SFPQ: variants seen among roughly 807,000 people sequenced by gnomAD.
The protein encoded by SFPQ is splicing factor, proline- and glutamine-rich.
A neutral mutation model predicts 72.9 loss-of-function variants in SFPQ; 11 were observed. The observed-to-expected ratio is 0.15, with a 90% CI of 0.09 to 0.25. SFPQ has a LOEUF of 0.25. Ranked by LOEUF, SFPQ falls within the 10% of genes least tolerant of loss-of-function variation. The probability of loss-of-function intolerance (pLI) is 1.00; values close to 1 mark genes in which losing one functional copy is unlikely to be tolerated. For missense variants in SFPQ, 847 were observed against 993.3 expected (o/e 0.85, Z 1.98); for synonymous variants, 506 against 367.3 (o/e 1.38, Z -4.32).
In SFPQ at chr1:35,191,246, C is replaced by A. The variant is rs763057108; in HGVS notation, c.1017+95G>T. On this transcript the variant is annotated intron_variant, in intron 2 of 9. Transcript: ENST00000357214. ...GAAAAATCTAAAAGATCAATTTATCCTCCCCAGTTTAAAAACCAAGCCTTC... is the reference window on the plus strand; with the variant it reads ...GAAAAATCTAAAAGATCAATTTATCATCCCCAGTTTAAAAACCAAGCCTTC... 2.7e-5 allele frequency: 28 copies of A among 1,035,280 alleles called. 1 individual carries two copies. Among genetic ancestry groups the A allele is most frequent in the Non-Finnish European group, 3.5e-5 (24 of 688,632 alleles). The allele number at this position is 1,035,280 out of a possible 1,614,324, so 64.1% of individuals were successfully genotyped here.
downstream of SFPQ, chr1:35,182,927 C>A: frequency 9.6e-7 from 1 of 1,045,432 alleles, no homozygotes; most frequent in Non-Finnish European, 1.2e-6. Context: ...TAACTGACAA[C>A]ACCATGGAAA....
chr1:35,190,193 G>C (rs1457130268), intron 4 of SFPQ, among the ~76,000 whole-genome samples: 2 of 152,166 alleles, frequency 1.3e-5, no homozygotes, highest in Non-Finnish European at 1.5e-5. Context: ...CTGGGAGGCA[G>C]AGGTTGCAGA....
At position 35,176,849 on chromosome 1, in the gene SFPQ, G is replaced by A. The variant is rs185002315; in HGVS notation, c.*106-378C>T. Among the ~76,000 whole-genome samples the A allele has an allele frequency of 2.1e-3, 315 of 150,552 alleles. 1 individual carries two copies. The highest frequency in any genetic ancestry group is 7.1e-3 in the African/African-American group (288 of 40,666). On this transcript the variant is annotated intron_variant and NMD_transcript_variant, in intron 5 of 5. Transcript: ENST00000460428. ...AGACTGTGCACCACTGCTCCAGCCT[G>A]GGCGACAGAGCAAGACTCCGTCTCA...
At chr1:35,180,520 G>A (rs1359386966), downstream of SFPQ, 1 of 1,049,972 alleles carries the variant, frequency 9.5e-7, no homozygotes, top group Non-Finnish European at 1.2e-6. Flanking sequence ...TTAGAGTATA[G>A]ACACATTTAG....
chr1:35,188,312 T>C (rs760400692), intron 6 of SFPQ, among the ~76,000 whole-genome samples: 1 of 152,246 alleles, frequency 6.6e-6, no homozygotes, highest in Non-Finnish European at 1.5e-5. Context: ...AAACCAACAC[T>C]GACATATTTA....
Position 35,188,994 on chromosome 1 carries a change from C to T in SFPQ, c.1697+9G>A. The T allele has an allele frequency of 6.2e-7, 1 of 1,605,260 alleles. No homozygotes were observed. Among genetic ancestry groups the T allele is most frequent in the Non-Finnish European group, 8.5e-7 (1 of 1,173,786 alleles). ...TAAATGAAGGCTTAAACCTTAAACA[C>T]AATTTTACCTCAATTGCATTTCTTT... On this transcript the variant is annotated intron_variant, in intron 6 of 9. Transcript: ENST00000357214.
intron 4 of SFPQ, among the ~76,000 whole-genome samples, chr1:35,189,773 AC>A (rs1419294850): frequency 6.6e-6 from 1 of 151,744 alleles, no homozygotes; most frequent in Non-Finnish European, 1.5e-5. Context: ...ACATGATGAA[AC>A]CCCGTCTCCA....
chr1:35,182,434 T>G, downstream of SFPQ: 2 of 985,404 alleles, frequency 2.0e-6, no homozygotes, highest in Non-Finnish European at 2.4e-6. Context: ...TGAGCATTAC[T>G]TTCTAATGAG....
In SFPQ at chr1:35,193,050, G is replaced by A. The variant is rs1447147776; in HGVS notation, c.-1C>T. 2 of 1,573,914 alleles carry A rather than the reference G, an allele frequency of 1.3e-6. No individual in the cohort carries two copies. The highest frequency in any genetic ancestry group is 1.1e-5 in the South Asian group (1 of 89,878). Reference sequence around the variant, plus strand: ...GACTCCGGAACCGATCCCGAGACATGTCTGTGGTCAAGGGGCGGTCGAGGC... The same window carrying A: ...GACTCCGGAACCGATCCCGAGACATATCTGTGGTCAAGGGGCGGTCGAGGC... On this transcript the variant is annotated 5_prime_UTR_variant, in exon 1 of 10. Coordinates refer to ENST00000357214, the MANE Select transcript of SFPQ (RefSeq NM_005066.3).
intron 7 of SFPQ, 97 bp from the exon 8 acceptor site, chr1:35,187,348 G>A: frequency 8.9e-7 from 1 of 1,120,422 alleles, no homozygotes; most frequent in Non-Finnish European, 1.3e-6. Flanking sequence ...AAAAAACATG[G>A]TAAAGTTCAA....
At chr1:35,178,277 C>A, downstream of SFPQ, 1 of 1,099,302 alleles carries the variant, frequency 9.1e-7, no homozygotes, top group Non-Finnish European at 1.1e-6. Flanking sequence ...AATGTAAAAG[C>A]CTGACTCTCA....
chr1:35,179,347 C>G, downstream of SFPQ: 1 of 1,057,840 alleles, frequency 9.5e-7, no homozygotes, highest in Non-Finnish European at 1.1e-6. Context: ...AGGTTTGCAA[C>G]CTTGCATGAA....
chr1:35,186,121 TTA>T (rs759415646), intron 9 of SFPQ, among the ~76,000 whole-genome samples: 16 of 152,200 alleles, frequency 1.1e-4, no homozygotes, highest in Admixed American at 2.0e-4. Flanking sequence ...TACAAAATCC[TTA>T]TGTTTCTATT....
chr1:35,192,965 GGAGGCCGCC>G lies in SFPQ; in HGVS notation c.76_84del (p.Gly26_Leu28del). On this transcript the variant is annotated inframe_deletion, in exon 1 of 10. Coordinates refer to ENST00000357214, the MANE Select transcript of SFPQ (RefSeq NM_005066.3). ...CCGGGCGGCGGAGAACGGAAGTCGT[GGAGGCCGCC>G]GCGGCCGCCGCCTCCTCCACGCCTG... 7.0e-6 allele frequency: 11 copies of G among 1,578,756 alleles called. No individual in the cohort carries two copies. Among genetic ancestry groups the G allele is most frequent in the Non-Finnish European group, 8.5e-6 (10 of 1,171,200 alleles).
At chr1:35,186,226 T>C (rs776841534) in intron 9 of SFPQ, among the ~76,000 whole-genome samples, 1 of 152,118 alleles carries the variant, frequency 6.6e-6, no homozygotes. Context: ...GCTATAAAAA[T>C]GCACTCTCTA....
chr1:35,181,909 C>T (rs1639485474), downstream of SFPQ: 1 of 985,166 alleles, frequency 1.0e-6, no homozygotes, highest in Non-Finnish European at 1.2e-6. Context: ...TGATGAAAGT[C>T]AAATGTCATT....
intron 4 of SFPQ, among the ~76,000 whole-genome samples, chr1:35,190,059 G>A (rs1639920245): frequency 6.6e-6 from 1 of 152,144 alleles, no homozygotes; most frequent in African/African-American, 2.4e-5. Flanking sequence ...TCAGGAGTTC[G>A]AGATCAGCCT....
chr1:35,182,165 G>A (rs1284832934), downstream of SFPQ: 4 of 985,090 alleles, frequency 4.1e-6, no homozygotes, highest in African/African-American at 1.7e-5. Context: ...TTCCCGACCA[G>A]CCCCCACCCA....
rs1639973839 is a variant in SFPQ at position 35,191,115 on chromosome 1, A to G, written c.1018-120T>C. 2.9e-5 allele frequency: 28 copies of G among 949,242 alleles called. 1 individual carries two copies. The South Asian group carries it at 4.1e-4, about 14-fold the overall frequency. The allele number at this position is 949,242 out of a possible 1,614,324, so 58.8% of individuals were successfully genotyped here. The stretch of plus-strand genomic sequence containing the variant: ...TCAGCTCAGTTCGACCATTACCTTT[A>G]GGCAGCACCCACTAACACCACTTAG... On this transcript the variant is annotated intron_variant, in intron 2 of 9. Coordinates refer to ENST00000357214, the MANE Select transcript of SFPQ (RefSeq NM_005066.3).
Sources: allele counts gnomAD v4.1 joint callset (sites outside exome capture counted in the v4.1 genomes callset), GRCh38; gene constraint gnomAD v4.1.1; transcripts MANE v1.5; gene names NCBI Gene and HGNC (gene_info 2026-07-23, HGNC 2026-07-21).